HDAC4: variants seen among roughly 807,000 people sequenced by gnomAD.
HDAC4 encodes histone deacetylase 4, also known as histone deacetylase A.
HDAC4 carries 16 observed loss-of-function variants against 135.1 expected under a neutral mutation model. The observed-to-expected ratio is 0.12, with a 90% CI of 0.08 to 0.18. The LOEUF (loss-of-function observed/expected upper bound fraction) is 0.18, where lower values mean the gene tolerates loss of function less well. Among genes scored for constraint, HDAC4 ranks in the 10% least tolerant of loss-of-function variants. The pLI, the probability that HDAC4 is intolerant of heterozygous loss-of-function variation, is 1.00. For missense variants in HDAC4, 1,143 were observed against 1,511.8 expected (o/e 0.76, Z 4.05); for synonymous variants, 685 against 653.4 (o/e 1.05, Z -0.74).
In HDAC4 at chr2:239,349,480, C is replaced by T. The variant is rs567181597; in HGVS notation, c.22+3198G>A. Among the ~76,000 whole-genome samples the T allele has an allele frequency of 1.5e-3, 227 of 152,332 alleles. 1 individual carries two copies. The highest frequency in any genetic ancestry group is 5.4e-3 in the African/African-American group (223 of 41,582). ...ACTTCCAGCAATGCCTGGGAGCGGA[C>T]GGACAGGTGCATCAGCTGACAAGAA... On this transcript the variant is annotated intron_variant, in intron 2 of 26. Transcript: ENST00000543185. The surrounding 1 kb of genome is among the most constrained non-coding windows in gnomAD (Gnocchi z 5.7).
At chr2:239,388,731 T>A (rs1269034201) in intron 1 of HDAC4, among the ~76,000 whole-genome samples, 1 of 152,202 alleles carries the variant, frequency 6.6e-6, no homozygotes, top group Non-Finnish European at 1.5e-5. Flanking sequence ...CCTCCCTTCC[T>A]GGCCCCCACT....
At position 239,190,007 on chromosome 2, in the gene HDAC4, G is replaced by A. The variant is rs1303851024; in HGVS notation, c.165C>T (p.His55=). 15 of 1,605,906 alleles carry A rather than the reference G, an allele frequency of 9.3e-6. No homozygotes were observed. The highest frequency in any genetic ancestry group is 1.3e-5 in the Non-Finnish European group (15 of 1,179,886). ...SAVPMDLRLD[H]QFSLPVAEPA... is the part of the protein sequence containing the mutation. Reference sequence around the variant, plus strand: ...GCTCTGCCACAGGCAGTGAGAACTGGTGGTCCAGGCGCAGGTCCATGGGCA... The same window carrying A: ...GCTCTGCCACAGGCAGTGAGAACTGATGGTCCAGGCGCAGGTCCATGGGCA... The change falls in exon 4 of 27, where the codon CAC becomes CAT. Residue 55 remains histidine (H), a synonymous_variant. Coordinates refer to ENST00000543185, the MANE Select transcript of HDAC4 (RefSeq NM_001378414.1).
At chr2:239,054,564 G>C (rs2106407626) in intron 25 of HDAC4, among the ~76,000 whole-genome samples, 185 bp downstream of exon 25, 1 of 152,270 alleles carries the variant, frequency 6.6e-6, no homozygotes, top group Admixed American at 6.5e-5. Flanking sequence ...TCCAGTCGGG[G>C]TTAAATGTGA....
At chr2:239,292,436 C>T (rs557418665) in intron 2 of HDAC4, among the ~76,000 whole-genome samples, 114 of 152,282 alleles carry the variant, frequency 7.5e-4, no homozygotes, top group Non-Finnish European at 8.7e-4. Context: ...GGCTGAGCCC[C>T]GCTGTCCATC....
At chr2:239,231,877 T>C (rs12712289) in intron 3 of HDAC4, among the ~76,000 whole-genome samples, 4,150 of 88,234 alleles carry the variant, frequency 0.047, 36 homozygotes, top group East Asian at 0.11. Context: ...TCAACCGAGG[T>C]TGCTGAGCAC....
chr2:239,082,041 C>A (rs2035386998), intron 21 of HDAC4, 61 bp downstream of exon 21: 9 of 1,588,464 alleles, frequency 5.7e-6, no homozygotes, highest in Non-Finnish European at 7.8e-6. Flanking sequence ...TGCCCCGTGC[C>A]CCCACAGCGG....
intron 4 of HDAC4, among the ~76,000 whole-genome samples, chr2:239,179,417 A>G (rs1314666602): frequency 6.6e-6 from 1 of 152,192 alleles, no homozygotes; most frequent in African/African-American, 2.4e-5. Context: ...TGGTGGCATT[A>G]GATTCTCACA....
chr2:239,195,094 C>G (rs528403660), intron 3 of HDAC4, among the ~76,000 whole-genome samples: 2 of 152,164 alleles, frequency 1.3e-5, no homozygotes, highest in African/African-American at 2.4e-5. Context: ...CGGTGGGCAC[C>G]GAGGCTGGGG....
intron 2 of HDAC4, among the ~76,000 whole-genome samples, chr2:239,278,421 A>G (rs2050516888): frequency 6.6e-6 from 1 of 152,236 alleles, no homozygotes; most frequent in African/African-American, 2.4e-5. Context: ...CACGCCTATA[A>G]TCTCAGCATT....
chr2:239,281,281 C>T (rs562636976), intron 2 of HDAC4, among the ~76,000 whole-genome samples: 101 of 111,094 alleles, frequency 9.1e-4, no homozygotes, highest in African/African-American at 3.1e-3. Flanking sequence ...ACAATGAACA[C>T]ACCACTCTAC....
chr2:239,395,421 A>T (rs1001104558), intron 1 of HDAC4, among the ~76,000 whole-genome samples: 5 of 152,238 alleles, frequency 3.3e-5, no homozygotes, highest in African/African-American at 1.2e-4. Flanking sequence ...TGAAGAGCTT[A>T]CATGTGAGTT....
At chr2:239,376,299 A>C (rs1470985893) in intron 1 of HDAC4, among the ~76,000 whole-genome samples, 3 of 120,652 alleles carry the variant, frequency 2.5e-5, no homozygotes, top group South Asian at 2.7e-4. Context: ...AACACCAAGG[A>C]AGGTGCTGTG....
At chr2:239,287,099 C>A (rs1457343028) in intron 2 of HDAC4, among the ~76,000 whole-genome samples, 1 of 152,170 alleles carries the variant, frequency 6.6e-6, no homozygotes, top group Admixed American at 6.5e-5. Flanking sequence ...CATTTGATCA[C>A]GTCTATACCA....
intron 14 of HDAC4, among the ~76,000 whole-genome samples, chr2:239,108,905 T>C (rs2038407372): frequency 6.6e-6 from 1 of 152,144 alleles, no homozygotes; most frequent in Admixed American, 6.5e-5. Context: ...CAGAACCAAC[T>C]GGGCCGGCAG....
chr2:239,269,877 C>G (rs571477874), intron 2 of HDAC4, among the ~76,000 whole-genome samples: 1 of 152,224 alleles, frequency 6.6e-6, no homozygotes, highest in Non-Finnish European at 1.5e-5. Context: ...TTGGTTCTTA[C>G]GACCCAAGGC....
rs2039050992 is a variant in HDAC4 at position 239,115,530 on chromosome 2, G to C, written c.1534-220C>G. Among the ~76,000 whole-genome samples, 1 of 152,078 alleles carries C rather than the reference G, an allele frequency of 6.6e-6. No individual in the cohort carries two copies. The highest frequency in any genetic ancestry group is 1.5e-5 in the Non-Finnish European group (1 of 68,034). On this transcript the variant is annotated intron_variant, in intron 12 of 26. Coordinates refer to ENST00000543185, the MANE Select transcript of HDAC4 (RefSeq NM_001378414.1). The surrounding 1 kb of genome is among the most constrained non-coding windows in gnomAD (Gnocchi z 6.3). ...AATGCCCAGTAGGACCCCAGCCCAGGGTCAAGGTGACCTGGCCCAGGGAAG... is the reference window on the plus strand; with the variant it reads ...AATGCCCAGTAGGACCCCAGCCCAGCGTCAAGGTGACCTGGCCCAGGGAAG...
intron 2 of HDAC4, among the ~76,000 whole-genome samples, chr2:239,318,515 G>A (rs1015194815): frequency 2.0e-5 from 3 of 152,082 alleles, no homozygotes; most frequent in Admixed American, 1.3e-4. Flanking sequence ...TAGACTATCA[G>A]CGAAACATAA....
chr2:239,199,304 G>T (rs1257454287), intron 3 of HDAC4, among the ~76,000 whole-genome samples: 2 of 151,972 alleles, frequency 1.3e-5, no homozygotes, highest in African/African-American at 4.8e-5. Context: ...TCTCTGGGTG[G>T]CTTTTTTGTG....
At chr2:239,066,900 G>A (rs368676989) in intron 23 of HDAC4, 45 bp from the exon 24 acceptor site, 22 of 1,595,470 alleles carry the variant, frequency 1.4e-5, no homozygotes, top group Middle Eastern at 1.7e-4. Context: ...GGGGAGGACC[G>A]CAGCCAGCAC....
Sources: gnomAD v4.1 joint callset for allele counts (sites outside exome capture counted in the v4.1 genomes callset) on GRCh38, gnomAD v4.1.1 for gene constraint, Gnocchi (gnomAD v3.1) non-coding constraint, MANE v1.5 for transcripts, NCBI Gene and HGNC (gene_info 2026-07-23, HGNC 2026-07-21) for gene names.